Variants in CCDC14 observed in about 807,000 individuals in gnomAD.
CCDC14 encodes the protein coiled-coil domain containing 14.
A neutral mutation model predicts 81.4 loss-of-function variants in CCDC14; 71 were observed. That is an observed-to-expected ratio of 0.87 (90% CI 0.72 to 1.06). The LOEUF (loss-of-function observed/expected upper bound fraction) is 1.06. Among genes scored for constraint, CCDC14 ranks in the 50% least tolerant of loss-of-function variants. CCDC14 has a pLI of 0.00. For synonymous variants in CCDC14, 332 were observed against 364.8 expected (o/e 0.91, Z 1.03); for missense variants, 1,046 against 1,047.3 (o/e 1.00, Z 0.02).
chr3:123,947,687 T>TG (rs1577317882), intron 7 of CCDC14, among the ~76,000 whole-genome samples: 2 of 152,176 alleles, frequency 1.3e-5, no homozygotes, highest in East Asian at 3.8e-4. Flanking sequence ...ATTTTAGTCA[T>TG]GGCCTTGTAA....
At position 123,915,093 on chromosome 3, in the gene CCDC14, C is replaced by A; in HGVS notation, c.2404G>T (p.Asp802Tyr). 1 of 1,613,994 alleles carries A rather than the reference C, an allele frequency of 6.2e-7. No individual in the cohort carries two copies. The highest frequency in any genetic ancestry group is 8.5e-7 in the Non-Finnish European group (1 of 1,179,882). Residue 802 changes from aspartate (D) to tyrosine (Y), a missense_variant, in exon 13 of 13, where the codon GAT becomes TAT. Asp to Tyr is a radical substitution (Grantham distance 160). Transcript: ENST00000409697. ...TTGAGGAGCTGTGTGTCCTTCATAT[C>A]AGATGCTCTGGAAAGTTTTTCAGGT... ...DAPEKLSRAS[D>Y]MKDTQLLKKI... is the part of the protein sequence containing the mutation.
In CCDC14 at chr3:123,956,070, C is replaced by T; in HGVS notation, c.205G>A (p.Asp69Asn). The change falls in exon 4 of 13, where the codon GAC becomes AAC. Residue 69 changes from aspartate (D) to asparagine (N), a missense_variant. Asp to Asn is a conservative substitution (Grantham distance 23, BLOSUM62 1). Transcript: ENST00000409697. ...CCTGAATCTTCATTTCTCAAAATGT[C>T]CCTCAGCAAAGAAGCACAACCATCA... ...GLDGCASLLR[D>N]ILRNEDSGSE... 1 of 1,545,894 alleles carries T rather than the reference C, an allele frequency of 6.5e-7. No individual in the cohort carries two copies. Among genetic ancestry groups the T allele is most frequent in the Non-Finnish European group, 8.7e-7 (1 of 1,145,242 alleles).
chr3:123,946,820 G>T lies in CCDC14; in HGVS notation c.1184C>A (p.Ala395Asp). The T allele has an allele frequency of 6.2e-7, 1 of 1,613,528 alleles. No individual in the cohort carries two copies. The highest frequency in any genetic ancestry group is 8.5e-7 in the Non-Finnish European group (1 of 1,179,712). Residue 395 changes from alanine (A) to aspartate (D), a missense_variant, in exon 8 of 13, where the codon GCC becomes GAC. Physicochemically the swap from Ala to Asp is moderately radical, Grantham distance 126. Transcript: ENST00000409697. ...CCATCTACCTTGTTCTGCTACCAGG[G>T]CCTTGAGCTCTCCCAACAAATATTT... Reference protein sequence around the residue: ...IIKYLLGELKALVAEQEDSEI... With the variant: ...IIKYLLGELKDLVAEQEDSEI...
At chr3:123,944,733 C>T (rs1015880088) in intron 9 of CCDC14, 116 bp downstream of exon 9, 2 of 638,720 alleles carry the variant, frequency 3.1e-6, no homozygotes, top group African/African-American at 1.9e-5. Context: ...AGTAGAAATA[C>T]AGTAAGACAG....
At chr3:123,913,306 G>A (rs1256896109), downstream of CCDC14, 1 of 846,860 alleles carries the variant, frequency 1.2e-6, no homozygotes, top group African/African-American at 1.8e-5. Flanking sequence ...AATTTCCTTT[G>A]CATATAAGGA....
intron 9 of CCDC14, among the ~76,000 whole-genome samples, chr3:123,936,827 T>A (rs2036083661): frequency 6.6e-6 from 1 of 152,058 alleles, no homozygotes. Context: ...CCTTCACGTG[T>A]ACCCTCAAAG....
intron 5 of CCDC14, among the ~76,000 whole-genome samples, chr3:123,903,470 AATG>A (rs2034225964): frequency 6.6e-6 from 1 of 152,100 alleles, no homozygotes; most frequent in Non-Finnish European, 1.5e-5. Flanking sequence ...TGTTTTTCAA[AATG>A]AGTATATCTT....
At chr3:123,904,906 G>C (rs2034271397) in intron 5 of CCDC14, among the ~76,000 whole-genome samples, 1 of 152,124 alleles carries the variant, frequency 6.6e-6, no homozygotes, top group African/African-American at 2.4e-5. Context: ...AGACAATTTT[G>C]CAGATGAATG....
rs1431133807 is a variant in CCDC14, at chr3:123,955,942, T to C, written c.253A>G (p.Asn85Asp). The change falls in exon 5 of 13, where the codon AAC becomes GAC. Residue 85 changes from asparagine to aspartate, a missense_variant. Coordinates refer to ENST00000409697, the MANE Select transcript of CCDC14 (RefSeq NM_001366335.1). ...DSGSETAYLE[N>D]RSNSRPLESK... The stretch of plus-strand genomic sequence containing the variant: ...TCTAAAGGTCTAGAATTAGATCTGT[T>C]TTCTAAATATGCTGTTTCTGAACCT... 8 of 1,529,882 alleles carry C rather than the reference T, an allele frequency of 5.2e-6. No homozygotes were observed. In the African/African-American group the frequency reaches 1.1e-4, roughly 21 times the overall value. 94.8% of individuals were successfully genotyped at this position (1,529,882 alleles called of 1,614,324 possible).
chr3:123,931,262 T>G, intron 11 of CCDC14, 28 bp from the exon 12 acceptor site: 4 of 1,588,664 alleles, frequency 2.5e-6, no homozygotes, highest in Non-Finnish European at 3.4e-6. Context: ...TCAGTTTCCT[T>G]ATTCCTTTTA....
At chr3:123,946,435 C>CT (rs1015338815) in intron 8 of CCDC14, among the ~76,000 whole-genome samples, 3 of 152,068 alleles carry the variant, frequency 2.0e-5, no homozygotes, top group Admixed American at 6.6e-5. Context: ...TTCTCTGCAT[C>CT]TTTTTAAAAC....
At chr3:123,904,704 G>A (rs1331332020) in intron 5 of CCDC14, among the ~76,000 whole-genome samples, 1 of 150,972 alleles carries the variant, frequency 6.6e-6, no homozygotes, top group African/African-American at 2.4e-5. Flanking sequence ...AGTTTAACAA[G>A]ATTTTTATGG....
chr3:123,921,078 A>G (rs1396139671), intron 12 of CCDC14, among the ~76,000 whole-genome samples: 1 of 152,220 alleles, frequency 6.6e-6, no homozygotes, highest in African/African-American at 2.4e-5. Context: ...AAGGATTCAA[A>G]GCATACCATT....
chr3:123,922,408 G>A (rs1209896835), intron 12 of CCDC14, among the ~76,000 whole-genome samples: 1 of 151,860 alleles, frequency 6.6e-6, no homozygotes, highest in African/African-American at 2.4e-5. Flanking sequence ...AAAAACAATA[G>A]GAAAAATTCA....
chr3:123,922,930 A>G (rs893167357), intron 12 of CCDC14, among the ~76,000 whole-genome samples: 3 of 152,176 alleles, frequency 2.0e-5, no homozygotes, highest in African/African-American at 7.2e-5. Flanking sequence ...AACACTGTTC[A>G]AGGCCAATAT....
chr3:123,893,676 C>T (rs2034020953), downstream of CCDC14, among the ~76,000 whole-genome samples: 1 of 152,064 alleles, frequency 6.6e-6, no homozygotes, highest in Admixed American at 6.5e-5. Flanking sequence ...TACCATTTTA[C>T]ATTCTCACCA....
the CCDC14 span, among the ~76,000 whole-genome samples, chr3:123,891,181 C>T: frequency 1.3e-5 from 2 of 152,324 alleles, no homozygotes; most frequent in South Asian, 2.1e-4. Flanking sequence ...CATGAAACCA[C>T]GTTTTCCTCC....
downstream of CCDC14, among the ~76,000 whole-genome samples, chr3:123,895,637 C>T (rs1412442328): frequency 6.6e-6 from 1 of 152,174 alleles, no homozygotes; most frequent in Non-Finnish European, 1.5e-5. Context: ...TTTGTTTCCC[C>T]AGTAATTCTG....
At chr3:123,928,503 C>A (rs1329001789) in intron 12 of CCDC14, among the ~76,000 whole-genome samples, 2 of 151,900 alleles carry the variant, frequency 1.3e-5, no homozygotes, top group Non-Finnish European at 2.9e-5. Context: ...GAGACTATGT[C>A]TCAAAGAAAA....
Sources: gnomAD v4.1 joint callset for allele counts (sites outside exome capture counted in the v4.1 genomes callset) on GRCh38, gnomAD v4.1.1 for gene constraint, MANE v1.5 for transcripts, NCBI Gene and HGNC (gene_info 2026-07-23, HGNC 2026-07-21) for gene names.